MACROD2: variants seen among roughly 807,000 people sequenced by gnomAD.
The protein encoded by MACROD2 is ADP-ribose glycohydrolase MACROD2.
A neutral mutation model predicts 70.4 loss-of-function variants in MACROD2; 36 were observed. The ratio of observed to expected loss-of-function variants is 0.51; its 90% confidence interval spans 0.39 to 0.68. MACROD2 has a LOEUF of 0.68. MACROD2 is among the 30% of genes least tolerant of loss of function. The pLI is 0.00. For synonymous variants in MACROD2, 172 were observed against 178.8 expected, an observed-to-expected ratio of 0.96 and a Z score of 0.30; for missense variants, 496 against 538.4, an observed-to-expected ratio of 0.92 and a Z score of 0.78.
intron 4 of MACROD2, among the ~76,000 whole-genome samples, chr20:14,516,670 T>C (rs1456281711): frequency 1.3e-5 from 2 of 152,148 alleles, no homozygotes; most frequent in Non-Finnish European, 2.9e-5. Context: ...TATATCTGTT[T>C]TGGTACCAGT....
chr20:15,271,884 T>C (rs1600177756), intron 6 of MACROD2, among the ~76,000 whole-genome samples: 2 of 152,200 alleles, frequency 1.3e-5, no homozygotes, highest in East Asian at 3.9e-4. Flanking sequence ...AAGAAACAGT[T>C]ATGTGGAAAT....
chr20:14,578,347 A>G (rs957079963), intron 4 of MACROD2, among the ~76,000 whole-genome samples: 1 of 152,106 alleles, frequency 6.6e-6, no homozygotes, highest in Admixed American at 6.6e-5. Context: ...CAGGCGATAT[A>G]CTTTCAGTGA....
intron 5 of MACROD2, among the ~76,000 whole-genome samples, chr20:15,079,046 G>A (rs1459112521): frequency 6.6e-6 from 1 of 152,048 alleles, no homozygotes; most frequent in Non-Finnish European, 1.5e-5. Context: ...TGTACACCAT[G>A]CACCATGGGT....
intron 6 of MACROD2, among the ~76,000 whole-genome samples, chr20:15,293,172 C>A (rs2077556453): frequency 6.6e-6 from 1 of 152,222 alleles, no homozygotes. Context: ...ATAATCCCTG[C>A]CACATGGCAT....
chr20:15,414,663 C>T (rs1161997958), intron 6 of MACROD2, among the ~76,000 whole-genome samples: 1 of 152,142 alleles, frequency 6.6e-6, no homozygotes, highest in Non-Finnish European at 1.5e-5. Context: ...TATCCTTAAC[C>T]TCTGTGTAGC....
intron 8 of MACROD2, among the ~76,000 whole-genome samples, chr20:15,721,474 T>C (rs75356675): frequency 6.6e-6 from 1 of 152,192 alleles, no homozygotes; most frequent in African/African-American, 2.4e-5. Flanking sequence ...AAGAAGTGTA[T>C]TTTTTAGTAC....
At chr20:15,372,439 GC>G (rs1376395984) in intron 6 of MACROD2, among the ~76,000 whole-genome samples, 4 of 152,210 alleles carry the variant, frequency 2.6e-5, no homozygotes, top group African/African-American at 9.6e-5. Flanking sequence ...TCTCACTGCT[GC>G]TTTCAAGTGC....
intron 5 of MACROD2, among the ~76,000 whole-genome samples, chr20:14,814,583 G>T (rs1210388562): frequency 6.6e-6 from 1 of 151,840 alleles, no homozygotes; most frequent in South Asian, 2.1e-4. Flanking sequence ...GAGAGAAATG[G>T]GTGCCCTAAA....
rs145274774 is a variant in MACROD2, at chr20:15,052,781, G to A, written c.419-177159G>A. 4.0e-3 allele frequency among the ~76,000 whole-genome samples: 609 copies of A among 152,298 alleles called. 2 individuals are homozygous for A. Among genetic ancestry groups the A allele is most frequent in the Non-Finnish European group, 6.6e-3 (452 of 68,030 alleles). On this transcript the variant is annotated intron_variant, in intron 5 of 17. Transcript: ENST00000684519. ...TTAAATCAAAAGCTAGAAATGATTC[G>A]GCTTAGTGCGGAAGGCATGTTGAAA...
chr20:14,821,724 A>C (rs186996768), intron 5 of MACROD2, among the ~76,000 whole-genome samples: 21 of 152,148 alleles, frequency 1.4e-4, no homozygotes, highest in African/African-American at 4.8e-4. Context: ...TTCATTTTAC[A>C]CTCCAGTTGA....
intron 5 of MACROD2, among the ~76,000 whole-genome samples, chr20:15,081,198 T>A (rs1212418077): frequency 6.6e-6 from 1 of 152,126 alleles, no homozygotes; most frequent in Non-Finnish European, 1.5e-5. Flanking sequence ...ATAAAAAAAT[T>A]AAATGAAATT....
intron 2 of MACROD2, among the ~76,000 whole-genome samples, chr20:14,007,950 T>C (rs966564605): frequency 2.5e-4 from 38 of 152,330 alleles, no homozygotes; most frequent in African/African-American, 9.1e-4. Flanking sequence ...TATAAAATTA[T>C]CTTATACTCA....
intron 2 of MACROD2, among the ~76,000 whole-genome samples, chr20:14,016,127 C>T (rs1474863038): frequency 1.3e-5 from 2 of 152,182 alleles, no homozygotes; most frequent in Admixed American, 1.3e-4. Context: ...GTTCCAGTTT[C>T]TCCATGTTCT....
chr20:15,508,980 C>CA (rs2146508267), intron 8 of MACROD2, among the ~76,000 whole-genome samples: 1 of 152,174 alleles, frequency 6.6e-6, no homozygotes, highest in East Asian at 1.9e-4. Context: ...TTTTACAACT[C>CA]AAAAAATAAT....
At chr20:15,167,156 G>A (rs2076391633) in intron 5 of MACROD2, among the ~76,000 whole-genome samples, 1 of 151,968 alleles carries the variant, frequency 6.6e-6, no homozygotes, top group South Asian at 2.1e-4. Flanking sequence ...AATACATTGA[G>A]TTTCTATACA....
rs549218682 is a variant in MACROD2 at position 15,528,616 on chromosome 20, A to G, written c.645+28769A>G. On this transcript the variant is annotated intron_variant, in intron 8 of 17. Transcript: ENST00000684519. The stretch of plus-strand genomic sequence containing the variant: ...CATCTCTCCTGTGGCTCTCTGGCTT[A>G]TCTCCTGGACTGTGGCTCTTTCTGT... Among the ~76,000 whole-genome samples, 5 of 152,264 alleles carry G rather than the reference A, an allele frequency of 3.3e-5. No individual in the cohort carries two copies. The South Asian group carries it at 1.0e-3, about 32-fold the overall frequency.
chr20:16,022,113 C>T (rs915648816), intron 15 of MACROD2, among the ~76,000 whole-genome samples: 6 of 143,040 alleles, frequency 4.2e-5, no homozygotes, highest in East Asian at 4.2e-4. Context: ...TGCAGTGGCG[C>T]GATCTTGGCT....
At chr20:14,811,809 C>A (rs1280160566) in intron 5 of MACROD2, among the ~76,000 whole-genome samples, 1 of 151,934 alleles carries the variant, frequency 6.6e-6, no homozygotes, top group East Asian at 1.9e-4. Flanking sequence ...TTTGTGTGGC[C>A]AACGAGCATA....
chr20:14,537,917 T>G (rs972634386), intron 4 of MACROD2, among the ~76,000 whole-genome samples: 1 of 152,202 alleles, frequency 6.6e-6, no homozygotes, highest in Non-Finnish European at 1.5e-5. Context: ...TGCAGCTCCT[T>G]ACTAGATCTC....
Sources: gnomAD v4.1 joint callset for allele counts (sites outside exome capture counted in the v4.1 genomes callset) on GRCh38, gnomAD v4.1.1 for gene constraint, MANE v1.5 for transcripts, NCBI Gene and HGNC (gene_info 2026-07-23, HGNC 2026-07-21) for gene names.